The following PPFIBP1 variants were observed in gnomAD, a reference collection of about 807,000 sequenced individuals.
PPFIBP1 encodes the protein liprin-beta-1.
PPFIBP1 carries 112 observed loss-of-function variants against 137.8 expected under a neutral mutation model. That is an observed-to-expected ratio of 0.81 (90% CI 0.70 to 0.95). PPFIBP1 has a LOEUF of 0.95. PPFIBP1 is among the 40% of genes least tolerant of loss of function. PPFIBP1 has a pLI of 0.00. For synonymous variants in PPFIBP1, 378 were observed against 417.3 expected (o/e 0.91, Z 1.15); for missense variants, 1,083 against 1,196.6 (o/e 0.91, Z 1.40).
Position 27,633,438 on chromosome 12 carries a change from G to A in PPFIBP1, c.42G>A (p.Glu14=), listed in dbSNP as rs2057399394. ...DASDMLAAAL[E]QMDGIIAGSK... is the part of the protein sequence containing the mutation. ...GTGACATGTTGGCTGCAGCGTTGGA[G>A]CAGATGGATGGTATCATAGCAGGTG... The change falls in exon 3 of 30, where the codon GAG becomes GAA. Residue 14 remains glutamate (E), a synonymous_variant. Transcript: ENST00000228425. The A allele has an allele frequency of 6.2e-7, 1 of 1,613,124 alleles. No individual in the cohort carries two copies. Among genetic ancestry groups the A allele is most frequent in the Non-Finnish European group, 8.5e-7 (1 of 1,179,920 alleles).
Position 27,664,370 on chromosome 12 carries a change from A to G in PPFIBP1, c.915A>G (p.Lys305=). 3.7e-6 allele frequency: 6 copies of G among 1,608,124 alleles called. No individual in the cohort carries two copies. Among genetic ancestry groups the G allele is most frequent in the Non-Finnish European group, 5.1e-6 (6 of 1,175,002 alleles). The change falls in exon 12 of 30, where the codon AAA becomes AAG. Residue 305 remains lysine, a synonymous_variant. Transcript: ENST00000228425. ...ATTTATTTTATTCCTAGGATCGGAA[A>G]ATAGAAGATCTTCGACAGTGCCTGA... ...LMAANEEKDR[K]IEDLRQCLNR... is the part of the protein sequence containing the mutation.
chr12:27,640,634 C>A (rs1167683104), intron 4 of PPFIBP1, among the ~76,000 whole-genome samples: 1 of 150,828 alleles, frequency 6.6e-6, no homozygotes, highest in African/African-American at 2.4e-5. Flanking sequence ...CTCATTCCAC[C>A]ACACCCAGTG....
chr12:27,668,053 G>A (rs997907465), intron 13 of PPFIBP1, among the ~76,000 whole-genome samples: 3 of 152,134 alleles, frequency 2.0e-5, no homozygotes, highest in East Asian at 3.8e-4. Context: ...GTTAGGACAC[G>A]TGGGATGGGA....
intron 19 of PPFIBP1, chr12:27,677,656 AC>A (rs934600412): frequency 6.6e-6 from 1 of 152,514 alleles, no homozygotes; most frequent in African/African-American, 2.4e-5. Context: ...CTGAGGCGTT[AC>A]CCCCCAAAGT....
chr12:27,537,854 T>G (rs1347358523), intron 1 of PPFIBP1, among the ~76,000 whole-genome samples: 1 of 152,124 alleles, frequency 6.6e-6, no homozygotes, highest in Non-Finnish European at 1.5e-5. Flanking sequence ...ATCTTCACTT[T>G]TAGCTATGTA....
intron 1 of PPFIBP1, among the ~76,000 whole-genome samples, chr12:27,572,996 G>C (rs1327267298): frequency 6.6e-6 from 1 of 152,120 alleles, no homozygotes; most frequent in Non-Finnish European, 1.5e-5. Flanking sequence ...GCTCATAAGA[G>C]TTACTAGATA....
intron 13 of PPFIBP1, among the ~76,000 whole-genome samples, chr12:27,668,458 G>A (rs964410563): frequency 6.6e-6 from 1 of 152,186 alleles, no homozygotes; most frequent in African/African-American, 2.4e-5. Context: ...CCAGGCACAT[G>A]TTGCCAATCC....
At chr12:27,558,102 G>A (rs1343850605) in intron 1 of PPFIBP1, among the ~76,000 whole-genome samples, 2 of 152,126 alleles carry the variant, frequency 1.3e-5, no homozygotes, top group Non-Finnish European at 2.9e-5. Flanking sequence ...TGGTTCTTAG[G>A]ACTTTTGTAA....
intron 1 of PPFIBP1, among the ~76,000 whole-genome samples, chr12:27,536,163 A>C (rs1192082523): frequency 6.6e-6 from 1 of 152,170 alleles, no homozygotes; most frequent in African/African-American, 2.4e-5. Context: ...ACTCGCTTGA[A>C]GTCTTGCTGA....
Position 27,670,454 on chromosome 12 carries a change from CAT to C in PPFIBP1, c.1147-973_1147-972del, listed in dbSNP as rs751696819. Among the ~76,000 whole-genome samples the C allele has an allele frequency of 7.9e-5, 12 of 152,192 alleles. No individual in the cohort carries two copies. In the East Asian group the frequency reaches 1.5e-3, roughly 20 times the overall value. ...TAATTAACTGGCTTGACCAATGTTCCATATAAGATTAGTAGTAGAAATTAAAG... is the reference window on the plus strand; with the variant it reads ...TAATTAACTGGCTTGACCAATGTTCCATAAGATTAGTAGTAGAAATTAAAG... On this transcript the variant is annotated intron_variant, in intron 13 of 29. Coordinates refer to ENST00000228425, the MANE Select transcript of PPFIBP1 (RefSeq NM_003622.4).
chr12:27,555,056 T>G (rs987670317), intron 1 of PPFIBP1, among the ~76,000 whole-genome samples: 8 of 152,162 alleles, frequency 5.3e-5, no homozygotes, highest in Admixed American at 4.6e-4. Context: ...CGTGCATTCT[T>G]GTTCGTTCAT....
chr12:27,680,014 C>T lies in PPFIBP1; in HGVS notation c.1848C>T (p.Thr616=), dbSNP rs752108791. The change falls in exon 21 of 30, where the codon ACC becomes ACT. Residue 616 remains threonine (T), a synonymous_variant. Transcript: ENST00000228425. ...TCAAAAGAGGAGGGACAAGGGCAAC[C>T]GCGGGGCCCCGATTAGGTTGGTCTC... ...PEFKRGGTRA[T]AGPRLGWSRD... 1.2e-5 allele frequency: 20 copies of T among 1,613,952 alleles called. No homozygotes were observed. The highest frequency in any genetic ancestry group is 5.3e-5 in the African/African-American group (4 of 74,906).
At chr12:27,609,709 C>G (rs2138083959) in intron 2 of PPFIBP1, among the ~76,000 whole-genome samples, 1 of 152,210 alleles carries the variant, frequency 6.6e-6, no homozygotes, top group South Asian at 2.1e-4. Context: ...ATGACATGGC[C>G]TCACCCACAT....
In PPFIBP1 at chr12:27,694,821, A is replaced by G. The variant is rs1158229290; in HGVS notation, c.*1939A>G. 1 of 152,232 alleles carries G rather than the reference A, an allele frequency of 6.6e-6. No homozygotes were observed. Among genetic ancestry groups the G allele is most frequent in the Non-Finnish European group, 1.5e-5 (1 of 68,040 alleles). 9.4% of individuals were successfully genotyped at this position (152,232 alleles called of 1,614,324 possible). On this transcript the variant is annotated 3_prime_UTR_variant, in exon 30 of 30. Transcript: ENST00000228425. ...TTGAGGTGGAGGTGGGCGGTTCAGT[A>G]TCTGCCACTGGACTTGATTATAAAC... is the stretch of plus-strand genomic sequence containing the variant.
At chr12:27,623,716 A>G (rs2056552496) in intron 2 of PPFIBP1, among the ~76,000 whole-genome samples, 1 of 150,132 alleles carries the variant, frequency 6.7e-6, no homozygotes, top group Non-Finnish European at 1.5e-5. Flanking sequence ...CTCAAAAAAA[A>G]CAAAACAAAC....
At chr12:27,639,831 G>C (rs1445693592) in intron 4 of PPFIBP1, among the ~76,000 whole-genome samples, 2 of 152,182 alleles carry the variant, frequency 1.3e-5, no homozygotes, top group Non-Finnish European at 2.9e-5. Flanking sequence ...AAAGAGTTCA[G>C]CCACGGGACA....
chr12:27,595,852 TCAACAACAACAA>T (rs1235600375), intron 2 of PPFIBP1, among the ~76,000 whole-genome samples: 1 of 126,606 alleles, frequency 7.9e-6, no homozygotes, highest in Non-Finnish European at 1.6e-5. Flanking sequence ...GACACTCTGA[TCAACAACAACAA>T]CAACAACAAC....
chr12:27,624,827 G>T (rs374678675), intron 2 of PPFIBP1, among the ~76,000 whole-genome samples: 26 of 152,144 alleles, frequency 1.7e-4, no homozygotes, highest in African/African-American at 5.5e-4. Context: ...TATTTGGTGA[G>T]CCCTTAGTAT....
chr12:27,530,272 T>C (rs1944269555), intron 1 of PPFIBP1, among the ~76,000 whole-genome samples: 1 of 152,188 alleles, frequency 6.6e-6, no homozygotes, highest in Non-Finnish European at 1.5e-5. Context: ...AACCTGTGGG[T>C]TCTCGAAATT....
Sources: allele counts gnomAD v4.1 joint callset (sites outside exome capture counted in the v4.1 genomes callset), GRCh38; gene constraint gnomAD v4.1.1; transcripts MANE v1.5; gene names NCBI Gene and HGNC (gene_info 2026-07-23, HGNC 2026-07-21).